ZNF431: variants seen among roughly 807,000 people sequenced by gnomAD.
ZNF431 encodes the protein zinc finger protein 431.
In ZNF431, 34 loss-of-function variants were observed where a neutral mutation model predicts 57.0. That is an observed-to-expected ratio of 0.60 (90% CI 0.45 to 0.79). The LOEUF (loss-of-function observed/expected upper bound fraction) is 0.79, where lower values mean the gene tolerates loss of function less well. ZNF431 is among the 30% of genes least tolerant of loss of function. ZNF431 has a pLI of 0.00. For synonymous variants in ZNF431, 207 were observed against 220.3 expected, an observed-to-expected ratio of 0.94 and a Z score of 0.54; for missense variants, 607 against 667.1, an observed-to-expected ratio of 0.91 and a Z score of 0.99.
chr19:21,146,965 G>T (rs926796115), intron 2 of ZNF431, among the ~76,000 whole-genome samples: 3 of 152,186 alleles, frequency 2.0e-5, no homozygotes, highest in Non-Finnish European at 4.4e-5. Flanking sequence ...CTGAATAGGG[G>T]TGATGATATT....
chr19:21,148,566 A>G (rs1222381228), intron 2 of ZNF431, among the ~76,000 whole-genome samples: 1 of 152,212 alleles, frequency 6.6e-6, no homozygotes, highest in Non-Finnish European at 1.5e-5. Flanking sequence ...GTTTTATTCT[A>G]TCTAATCTAA....
chr19:21,169,785 G>C (rs1053264085), intron 4 of ZNF431: 7 of 398,496 alleles, frequency 1.8e-5, no homozygotes, highest in African/African-American at 1.2e-4. Flanking sequence ...TCAGGTCACT[G>C]TGTGGGTTTC....
chr19:21,175,504 G>A lies in ZNF431; in HGVS notation c.320-7119G>A, dbSNP rs375517440. On this transcript the variant is annotated intron_variant, in intron 4 of 4. Transcript: ENST00000311048. ...GTTACATAAGTAAATGTGTGCTGTG[G>A]TGGTTTGCTGCACCTATTAACCTCT... 1.3e-5 allele frequency: 9 copies of A among 690,198 alleles called. No homozygotes were observed. The African/African-American group carries it at 1.4e-4, about 11-fold the overall frequency. 42.8% of individuals were successfully genotyped at this position (690,198 alleles called of 1,614,324 possible).
At chr19:21,152,671 C>G (rs1970305955) in intron 2 of ZNF431, among the ~76,000 whole-genome samples, 1 of 152,128 alleles carries the variant, frequency 6.6e-6, no homozygotes, top group African/African-American at 2.4e-5. Context: ...TAAGAGGAGC[C>G]TTTAACCCAC....
chr19:21,167,717 T>TA (rs113788883), intron 4 of ZNF431, 51 bp downstream of exon 4: 23,800 of 1,078,214 alleles, frequency 0.022, 3 homozygotes, highest in East Asian at 0.024. Flanking sequence ...GTCCAAAGCT[T>TA]AAAAAAAAAA....
At chr19:21,170,374 T>A (rs1970849190) in intron 4 of ZNF431, among the ~76,000 whole-genome samples, 1 of 152,192 alleles carries the variant, frequency 6.6e-6, no homozygotes. Flanking sequence ...GAGCACCTTC[T>A]ATTTTTTTAT....
At chr19:21,160,043 G>T (rs1970530890) in intron 2 of ZNF431, among the ~76,000 whole-genome samples, 1 of 151,170 alleles carries the variant, frequency 6.6e-6, no homozygotes. Context: ...GCCTCTATGA[G>T]GAGATTTTTC....
intron 2 of ZNF431, among the ~76,000 whole-genome samples, chr19:21,152,139 C>T (rs1435761564): frequency 6.6e-6 from 1 of 152,186 alleles, no homozygotes; most frequent in Non-Finnish European, 1.5e-5. Context: ...AACTTGGCCC[C>T]AGTTGGGCCC....
rs949490516 is a variant in ZNF431 at position 21,182,968 on chromosome 19, A to G, written c.665A>G (p.His222Arg). 1.9e-5 allele frequency: 31 copies of G among 1,614,028 alleles called. No individual in the cohort carries two copies. Among genetic ancestry groups the G allele is most frequent in the Non-Finnish European group, 2.5e-5 (29 of 1,179,986 alleles). The change falls in exon 5 of 5, where the codon CAT becomes CGT. Residue 222 changes from histidine (H) to arginine (R), a missense_variant. By Grantham distance (29) the His-to-Arg change is conservative. Transcript: ENST00000311048. ...SFCMLLHLSQ[H>R]KRIHIRENSY... ...TGCATGCTTTTACACCTAAGTCAAC[A>G]TAAAAGAATTCATATTAGAGAGAAT...
rs747462760 is a variant in ZNF431, at chr19:21,182,884, A to G, written c.581A>G (p.His194Arg). ...CATAAATTTTTAAATGCAAATAGAC[A>G]TAAGACAAGACATACTGGAAAGAAA... Reference protein sequence around the residue: ...VFHKFLNANRHKTRHTGKKPF... With the variant: ...VFHKFLNANRRKTRHTGKKPF... Residue 194 changes from histidine to arginine, a missense_variant, in exon 5 of 5, where the codon CAT (histidine) becomes CGT (arginine). His to Arg is a conservative substitution (Grantham distance 29). Coordinates refer to ENST00000311048, the MANE Select transcript of ZNF431 (RefSeq NM_133473.4). The G allele has an allele frequency of 3.1e-6, 5 of 1,614,066 alleles. No individual in the cohort carries two copies. The highest frequency in any genetic ancestry group is 3.3e-5 in the Admixed American group (2 of 60,018).
Position 21,143,647 on chromosome 19 carries a change from A to G in ZNF431, c.96+4A>G. On this transcript the variant is annotated splice_donor_region_variant and intron_variant, in intron 2 of 4. Coordinates refer to ENST00000311048, the MANE Select transcript of ZNF431 (RefSeq NM_133473.4). ...AGTTTACTCTTATTTTGAAAAGGTA[A>G]CCTCTTGAGACATTAAAATTGTCTA... The G allele has an allele frequency of 6.2e-7, 1 of 1,608,358 alleles. No homozygotes were observed. The highest frequency in any genetic ancestry group is 8.5e-7 in the Non-Finnish European group (1 of 1,175,308).
At chr19:21,153,480 A>C (rs372792364) in intron 2 of ZNF431, among the ~76,000 whole-genome samples, 4 of 152,244 alleles carry the variant, frequency 2.6e-5, no homozygotes, top group African/African-American at 9.6e-5. Context: ...TCTTTCCATA[A>C]ACTATTTCTA....
At chr19:21,165,694 C>T (rs1970701305) in intron 2 of ZNF431, among the ~76,000 whole-genome samples, 1 of 151,440 alleles carries the variant, frequency 6.6e-6, no homozygotes, top group Non-Finnish European at 1.5e-5. Context: ...GGTGCCTGCC[C>T]TTTTTTCTTA....
At chr19:21,143,358 G>C (rs183732181) in intron 1 of ZNF431, among the ~76,000 whole-genome samples, 193 bp from the exon 2 acceptor site, 6 of 152,248 alleles carry the variant, frequency 3.9e-5, no homozygotes, top group African/African-American at 1.4e-4. Flanking sequence ...TAGGCACAGA[G>C]ATCTTGTCAG....
chr19:21,169,887 G>A (rs1053554762), intron 4 of ZNF431: 5 of 398,446 alleles, frequency 1.3e-5, no homozygotes, highest in Non-Finnish European at 2.2e-5. Flanking sequence ...ACCAAGGTCT[G>A]TAAACCTGTC....
chr19:21,152,913 GA>G (rs772783992), intron 2 of ZNF431, among the ~76,000 whole-genome samples: 3 of 152,336 alleles, frequency 2.0e-5, no homozygotes, highest in Admixed American at 1.3e-4. Context: ...TCTCGCTCAA[GA>G]AAGAATTGAG....
intron 2 of ZNF431, among the ~76,000 whole-genome samples, chr19:21,156,854 A>G (rs1199618004): frequency 3.9e-5 from 6 of 152,124 alleles, no homozygotes; most frequent in Admixed American, 3.9e-4. Flanking sequence ...GACTCACTTC[A>G]GCCTCAACCT....
At chr19:21,173,256 A>G (rs923542362) in intron 4 of ZNF431, among the ~76,000 whole-genome samples, 1 of 152,160 alleles carries the variant, frequency 6.6e-6, no homozygotes, top group African/African-American at 2.4e-5. Context: ...TGGATGTTCA[A>G]ATATGTCTTC....
chr19:21,163,305 A>T (rs1970627073), intron 2 of ZNF431, among the ~76,000 whole-genome samples: 1 of 152,194 alleles, frequency 6.6e-6, no homozygotes. Context: ...TTGGATGGAG[A>T]TTGGTTGTCT....
Sources: gnomAD v4.1 joint callset for allele counts (sites outside exome capture counted in the v4.1 genomes callset) on GRCh38, gnomAD v4.1.1 for gene constraint, MANE v1.5 for transcripts, NCBI Gene and HGNC (gene_info 2026-07-23, HGNC 2026-07-21) for gene names.